Variants in PCDH15 observed in about 807,000 individuals in gnomAD.
The protein encoded by PCDH15 is protocadherin-15.
In PCDH15, 129 loss-of-function variants were observed where a neutral mutation model predicts 178.5. That is an observed-to-expected ratio of 0.72 (90% CI 0.63 to 0.84). PCDH15 has a LOEUF of 0.84. Ranked by LOEUF, PCDH15 falls within the 40% of genes least tolerant of loss-of-function variation. The pLI, the probability that PCDH15 is intolerant of heterozygous loss-of-function variation, is 0.00. For missense variants in PCDH15, 2,230 were observed against 2,099.9 expected, an observed-to-expected ratio of 1.06 and a Z score of -1.21; for synonymous variants, 800 against 732.0, an observed-to-expected ratio of 1.09 and a Z score of -1.50.
chr10:54,011,109 C>T (rs1044172445), intron 20 of PCDH15, among the ~76,000 whole-genome samples: 1 of 145,822 alleles, frequency 6.9e-6, no homozygotes, highest in African/African-American at 2.4e-5. Flanking sequence ...GCAGTGCAGC[C>T]ACCCCACTCC....
intron 2 of PCDH15, among the ~76,000 whole-genome samples, chr10:55,011,387 G>A (rs1393053384): frequency 6.6e-6 from 1 of 152,008 alleles, no homozygotes; most frequent in African/African-American, 2.4e-5. Context: ...AAATATGGAA[G>A]ACATTTATAA....
chr10:54,508,191 T>C (rs1035254941), intron 3 of PCDH15, among the ~76,000 whole-genome samples: 1 of 152,066 alleles, frequency 6.6e-6, no homozygotes, highest in Admixed American at 6.6e-5. Flanking sequence ...TCACCAAACA[T>C]TGTAAGTAAT....
At chr10:54,327,146 T>A (rs1052974753) in intron 7 of PCDH15, among the ~76,000 whole-genome samples, 45 of 151,290 alleles carry the variant, frequency 3.0e-4, no homozygotes, top group African/African-American at 1.0e-3. Context: ...TCAGAATCTT[T>A]TACCTTGCAT....
chr10:54,310,936 T>C (rs960494430), intron 8 of PCDH15, among the ~76,000 whole-genome samples: 6 of 152,078 alleles, frequency 3.9e-5, no homozygotes, highest in African/African-American at 1.4e-4. Flanking sequence ...TCCCAGACTG[T>C]AATATATTTA....
At position 54,466,677 on chromosome 10, in the gene PCDH15, CATAA is replaced by C. The variant is rs568043690; in HGVS notation, c.157+61131_157+61134del. Reference sequence around the variant, plus strand: ...ATATTTGGCCTCTTTATGGGTTCTACATAAATATTTTTCTATTTTTGTAAAATTG... The same window carrying C: ...ATATTTGGCCTCTTTATGGGTTCTACATATTTTTCTATTTTTGTAAAATTG... On this transcript the variant is annotated intron_variant, in intron 3 of 37. Transcript: ENST00000644397. 3.1e-3 allele frequency among the ~76,000 whole-genome samples: 471 copies of C among 151,772 alleles called. 1 individual carries two copies. The highest frequency in any genetic ancestry group is 0.01 in the Middle Eastern group (3 of 294).
At chr10:54,225,246 T>C (rs1182255025) in intron 9 of PCDH15, among the ~76,000 whole-genome samples, 1 of 152,182 alleles carries the variant, frequency 6.6e-6, no homozygotes, top group Non-Finnish European at 1.5e-5. Flanking sequence ...ACTGAATTCT[T>C]GTATCCTTTA....
At chr10:54,940,015 T>C (rs1022337590) in intron 2 of PCDH15, among the ~76,000 whole-genome samples, 3 of 152,174 alleles carry the variant, frequency 2.0e-5, no homozygotes, top group African/African-American at 7.2e-5. Flanking sequence ...TGGTTTTCTC[T>C]ATTGTTATCT....
At chr10:55,108,200 G>C (rs1837405761) in intron 2 of PCDH15, among the ~76,000 whole-genome samples, 1 of 152,108 alleles carries the variant, frequency 6.6e-6, no homozygotes, top group Non-Finnish European at 1.5e-5. Flanking sequence ...ATCAATGTTT[G>C]TTGGTTAGGC....
intron 8 of PCDH15, among the ~76,000 whole-genome samples, chr10:54,304,533 A>G (rs897980617): frequency 9.9e-5 from 15 of 152,082 alleles, no homozygotes; most frequent in African/African-American, 3.4e-4. Flanking sequence ...ATAGGAAAAA[A>G]CGTCCTGGCA....
At chr10:55,040,014 G>C (rs1051377977) in intron 2 of PCDH15, among the ~76,000 whole-genome samples, 46 of 151,882 alleles carry the variant, frequency 3.0e-4, no homozygotes, top group Non-Finnish European at 1.0e-4. Context: ...AGAACAAATG[G>C]CTGTAAACAG....
At chr10:54,705,987 A>G (rs2095361431) in intron 1 of PCDH15, among the ~76,000 whole-genome samples, 1 of 152,178 alleles carries the variant, frequency 6.6e-6, no homozygotes, top group African/African-American at 2.4e-5. Flanking sequence ...TAAAAAGAGA[A>G]GAGCATATTG....
At chr10:55,022,797 G>T (rs1299701400) in intron 2 of PCDH15, among the ~76,000 whole-genome samples, 5 of 147,994 alleles carry the variant, frequency 3.4e-5, no homozygotes, top group Non-Finnish European at 7.4e-5. Flanking sequence ...TGCAAGCTCC[G>T]CCTCCCGCGT....
intron 28 of PCDH15, among the ~76,000 whole-genome samples, chr10:53,849,722 G>A (rs143811300): frequency 0.032 from 4,786 of 151,560 alleles, 245 homozygotes; most frequent in African/African-American, 0.11. Context: ...AAATTAGCCG[G>A]GCATGGTGGC....
chr10:55,345,749 T>C (rs533086920), intron 2 of PCDH15, among the ~76,000 whole-genome samples: 1 of 151,944 alleles, frequency 6.6e-6, no homozygotes, highest in South Asian at 2.1e-4. Flanking sequence ...TAAGATGTTT[T>C]ATTATTTGTA....
intron 7 of PCDH15, among the ~76,000 whole-genome samples, chr10:54,321,371 A>G (rs2061593943): frequency 6.7e-6 from 1 of 150,118 alleles, no homozygotes; most frequent in Non-Finnish European, 1.5e-5. Flanking sequence ...AAAAGATTGA[A>G]TTAATCTAAA....
In PCDH15 at chr10:54,421,894, A is replaced by T. The variant is rs561633040; in HGVS notation, c.158-42952T>A. On this transcript the variant is annotated intron_variant, in intron 3 of 37. Coordinates refer to ENST00000644397, the MANE Select transcript of PCDH15 (RefSeq NM_001384140.1). ...ACTATATATATATATACACACACAC[A>T]CTATATATATATATACACTATATAT... is the stretch of plus-strand genomic sequence containing the variant. Among the ~76,000 whole-genome samples the T allele has an allele frequency of 1.0e-3, 67 of 64,192 alleles. 5 individuals carry two copies. Among genetic ancestry groups the T allele is most frequent in the African/African-American group, 5.3e-3 (49 of 9,312 alleles). 42.1% of individuals were successfully genotyped at this position (64,192 alleles called of 152,430 possible).
intron 3 of PCDH15, among the ~76,000 whole-genome samples, chr10:54,502,158 G>A (rs2080755940): frequency 6.6e-6 from 1 of 152,042 alleles, no homozygotes; most frequent in South Asian, 2.1e-4. Context: ...AAGCAGATAT[G>A]TTGCCTAGAG....
chr10:54,384,802 G>A (rs147164884), intron 3 of PCDH15, among the ~76,000 whole-genome samples: 143 of 152,068 alleles, frequency 9.4e-4, no homozygotes, highest in African/African-American at 3.3e-3. Flanking sequence ...GGTCAAATAC[G>A]ATTTTGATTT....
chr10:54,374,506 A>T (rs1216027993), intron 4 of PCDH15, among the ~76,000 whole-genome samples: 2 of 152,058 alleles, frequency 1.3e-5, no homozygotes, highest in Non-Finnish European at 2.9e-5. Flanking sequence ...AATAGTGATG[A>T]GAGCATTTTG....
Sources: gnomAD v4.1 joint callset for allele counts (sites outside exome capture counted in the v4.1 genomes callset) on GRCh38, gnomAD v4.1.1 for gene constraint, MANE v1.5 for transcripts, NCBI Gene and HGNC (gene_info 2026-07-23, HGNC 2026-07-21) for gene names.